The following FEM1A variants were observed in gnomAD, a reference collection of about 807,000 sequenced individuals.
The protein encoded by FEM1A is protein fem-1 homolog A.
In FEM1A, 1 loss-of-function variant was observed where a neutral mutation model predicts 0.7. The observed-to-expected ratio is 1.35, with a 90% confidence interval of 0.48 to 6.40. The LOEUF (loss-of-function observed/expected upper bound fraction) is 6.40. Ranked by LOEUF, FEM1A falls within the 30% of genes most tolerant of loss-of-function variation. The pLI is 0.14. For missense variants in FEM1A, 721 were observed against 918.7 expected, an observed-to-expected ratio of 0.78 and a Z score of 2.78; for synonymous variants, 391 against 420.6, an observed-to-expected ratio of 0.93 and a Z score of 0.86.
chr19:4,791,890 T>C lies in FEM1A; in HGVS notation c.36T>C (p.Arg12=). ...GCACCGCCGTGTACAACGCCGCCCG[T>C]GATGGCAAGCTGCAGCTGCTCCAGA... ...DLRTAVYNAA[R]DGKLQLLQKL... Residue 12 remains arginine, a synonymous_variant, in exon 1 of 1, where the codon CGT becomes CGC. Transcript: ENST00000269856. 1 of 1,521,476 alleles carries C rather than the reference T, an allele frequency of 6.6e-7. No homozygotes were observed. Among genetic ancestry groups the C allele is most frequent in the Non-Finnish European group, 8.8e-7 (1 of 1,141,034 alleles). The allele number at this position is 1,521,476 out of a possible 1,614,324, so 94.2% of individuals were successfully genotyped here. A position where few individuals can be genotyped will look rare whatever the true frequency, so the allele number is the denominator to read the frequency against.
At position 4,792,631 on chromosome 19, in the gene FEM1A, C is replaced by T; in HGVS notation, c.777C>T (p.Ser259=). The T allele has an allele frequency of 1.2e-6, 2 of 1,611,942 alleles. No homozygotes were observed. The highest frequency in any genetic ancestry group is 8.5e-7 in the Non-Finnish European group (1 of 1,179,772). Residue 259 remains serine (S), a synonymous_variant, in exon 1 of 1, where the codon TCC becomes TCT. Transcript: ENST00000269856. The surrounding 1 kb of genome is among the most constrained non-coding windows in gnomAD (Gnocchi z 6.7). The stretch of plus-strand genomic sequence containing the variant: ...CTGGGCTGCCCCAAGAAGACCCCTC[C>T]ACCAGCCAGGGGTGTGCGCAGCCTC... ...AQPGLPQEDP[S]TSQGCAQPQG...
rs753262011 is a variant in FEM1A, at chr19:4,793,294, G to C, written c.1440G>C (p.Gln480His). ...KGVREVERAL[Q>H]LPREPGDSAQ... ...TCCGGGAAGTGGAACGGGCCCTGCA[G>C]CTGCCCAGGGAGCCCGGAGACTCAG... The change falls in exon 1 of 1, where the codon CAG becomes CAC. Residue 480 changes from glutamine to histidine, a missense_variant. Physicochemically the swap from Gln to His is conservative, Grantham distance 24 (BLOSUM62 0). Coordinates refer to ENST00000269856, the MANE Select transcript of FEM1A (RefSeq NM_018708.3). This position sits in a 1 kb window ranked among gnomAD's most constrained non-coding sequence, Gnocchi z 5.1. The C allele has an allele frequency of 6.2e-7, 1 of 1,613,058 alleles. No homozygotes were observed. The highest frequency in any genetic ancestry group is 8.5e-7 in the Non-Finnish European group (1 of 1,179,894).
Position 4,793,945 on chromosome 19 carries a change from C to T in FEM1A, c.*81C>T, listed in dbSNP as rs970939974. ...ATCCGGCTGCGGCATAGCAGATGCT[C>T]GTTCTTGCCTCCTTCAGGCACCAAT... On this transcript the variant is annotated 3_prime_UTR_variant, in exon 1 of 1. Transcript: ENST00000269856. The surrounding 1 kb of genome is among the most constrained non-coding windows in gnomAD (Gnocchi z 5.1). The T allele has an allele frequency of 1.4e-5, 19 of 1,379,464 alleles. No individual in the cohort carries two copies. Among genetic ancestry groups the T allele is most frequent in the Admixed American group, 6.7e-5 (3 of 44,550 alleles). The allele number at this position is 1,379,464 out of a possible 1,614,324, so 85.5% of individuals were successfully genotyped here. A position where few individuals can be genotyped will look rare whatever the true frequency, so the allele number is the denominator to read the frequency against.
rs2093556465 is a variant in FEM1A, at chr19:4,793,022, T to C, written c.1168T>C (p.Ser390Pro). 12 of 1,613,390 alleles carry C rather than the reference T, an allele frequency of 7.4e-6. No individual in the cohort carries two copies. The highest frequency in any genetic ancestry group is 1.0e-5 in the Non-Finnish European group (12 of 1,180,008). The change falls in exon 1 of 1, where the codon TCC (serine) becomes CCC (proline). Residue 390 changes from serine to proline, a missense_variant. Transcript: ENST00000269856. This position sits in a 1 kb window ranked among gnomAD's most constrained non-coding sequence, Gnocchi z 5.1. ...RILGPSHPDT[S>P]YYIRYRGAVY... ...CCTCGGTCCCTCGCACCCGGACACT[T>C]CCTATTACATCCGTTACAGGGGTGC...
At position 4,793,877 on chromosome 19, in the gene FEM1A, G is replaced by T; in HGVS notation, c.*13G>T. 1 of 1,585,704 alleles carries T rather than the reference G, an allele frequency of 6.3e-7. No homozygotes were observed. The highest frequency in any genetic ancestry group is 1.1e-5 in the South Asian group (1 of 87,172). ...CGAACTGCACTGACCTGCCCAGAAC[G>T]CCTGCACCCTCACCTCTCCCCTCTC... On this transcript the variant is annotated 3_prime_UTR_variant, in exon 1 of 1. Transcript: ENST00000269856. This position sits in a 1 kb window ranked among gnomAD's most constrained non-coding sequence, Gnocchi z 5.1.
chr19:4,800,400 C>G lies in FEM1A; in HGVS notation c.*6536C>G, dbSNP rs978713155. ...CCTGGGAGATGGGGAAGTGGGGGCC[C>G]CCCCAAGCTCGCCGACTGCCCTTCC... On this transcript the variant is annotated 3_prime_UTR_variant, in exon 1 of 1. Coordinates refer to ENST00000269856, the MANE Select transcript of FEM1A (RefSeq NM_018708.3). 1.3e-5 allele frequency: 2 copies of G among 152,506 alleles called. No individual in the cohort carries two copies. The highest frequency in any genetic ancestry group is 4.8e-5 in the African/African-American group (2 of 41,458). The allele number at this position is 152,506 out of a possible 1,614,324, so 9.4% of individuals were successfully genotyped here.
In FEM1A at chr19:4,799,424, A is replaced by AAAAC. The variant is rs71897307; in HGVS notation, c.*5584_*5587dup. On this transcript the variant is annotated 3_prime_UTR_variant, in exon 1 of 1. Coordinates refer to ENST00000269856, the MANE Select transcript of FEM1A (RefSeq NM_018708.3). ...GCAAGACTCTGTCTCAAAACAAAACAAAACAAACAAACAAACAAACAAACA... is the reference window on the plus strand; with the variant it reads ...GCAAGACTCTGTCTCAAAACAAAACAAAACAAACAAACAAACAAACAAACAAACA... 1.5e-3 allele frequency: 242 copies of AAAAC among 158,240 alleles called. No individual in the cohort carries two copies. Among genetic ancestry groups the AAAAC allele is most frequent in the African/African-American group, 4.1e-3 (168 of 41,042 alleles). 9.8% of individuals were successfully genotyped at this position (158,240 alleles called of 1,614,324 possible).
chr19:4,793,320 C>G lies in FEM1A; in HGVS notation c.1466C>G (p.Ala489Gly), dbSNP rs952316387. 1 of 1,612,706 alleles carries G rather than the reference C, an allele frequency of 6.2e-7. No individual in the cohort carries two copies. Among genetic ancestry groups the G allele is most frequent in the African/African-American group, 1.3e-5 (1 of 74,894 alleles). Residue 489 changes from alanine (A) to glycine (G), a missense_variant, in exon 1 of 1, where the codon GCC (alanine) becomes GGC (glycine). Physicochemically the swap from Ala to Gly is moderately conservative, Grantham distance 60. Around this residue, in one of 4 missense-constraint regions of FEM1A, gnomAD observed 379 missense variants for 454.8 expected, o/e 0.83. Transcript: ENST00000269856. The surrounding 1 kb of genome is among the most constrained non-coding windows in gnomAD (Gnocchi z 5.1). ...LQLPREPGDS[A>G]QFTKALAIIL... ...CTGCCCAGGGAGCCCGGAGACTCAG[C>G]CCAGTTCACCAAGGCGCTGGCCATC...
rs2093556853 is a variant in FEM1A at position 4,793,229 on chromosome 19, A to G, written c.1375A>G (p.Ile459Val). The change falls in exon 1 of 1, where the codon ATC (isoleucine) becomes GTC (valine). Residue 459 changes from isoleucine (I) to valine (V), a missense_variant. By Grantham distance (29) the Ile-to-Val change is conservative (BLOSUM62 3). Around this residue, in one of 4 missense-constraint regions of FEM1A, gnomAD observed 379 missense variants for 454.8 expected, o/e 0.83. Transcript: ENST00000269856. This position sits in a 1 kb window ranked among gnomAD's most constrained non-coding sequence, Gnocchi z 5.1. ...RAAKGSLGTQ[I>V]GFADLMGVLT... ...CGCCAAAGGCAGCCTGGGCACCCAG[A>G]TCGGCTTTGCAGACCTCATGGGGGT... is the stretch of plus-strand genomic sequence containing the variant. The G allele has an allele frequency of 6.2e-7, 1 of 1,613,382 alleles. No homozygotes were observed. Among genetic ancestry groups the G allele is most frequent in the South Asian group, 1.1e-5 (1 of 91,078 alleles).
chr19:4,792,691 A>G lies in FEM1A; in HGVS notation c.837A>G (p.Glu279=). 2 of 1,612,158 alleles carry G rather than the reference A, an allele frequency of 1.2e-6. No homozygotes were observed. The highest frequency in any genetic ancestry group is 1.7e-6 in the Non-Finnish European group (2 of 1,179,850). ...CGTGCTGCAGCTCCTCCCCAGAGGA[A>G]CCACTGAACGGGGAATCTTACGAAA... ...GAPCCSSSPE[E]PLNGESYESC... Residue 279 remains glutamate (E), a synonymous_variant, in exon 1 of 1, where the codon GAA becomes GAG. Coordinates refer to ENST00000269856, the MANE Select transcript of FEM1A (RefSeq NM_018708.3). The surrounding 1 kb of genome is among the most constrained non-coding windows in gnomAD (Gnocchi z 6.7).
At position 4,792,532 on chromosome 19, in the gene FEM1A, C is replaced by A; in HGVS notation, c.678C>A (p.Gly226=). The A allele has an allele frequency of 6.2e-7, 1 of 1,601,124 alleles. No individual in the cohort carries two copies. Among genetic ancestry groups the A allele is most frequent in the East Asian group, 2.2e-5 (1 of 44,858 alleles). ...MTPLLAASVT[G]HTNIVEYLIQ... is the part of the protein sequence containing the mutation. ...CGCTGCTCGCGGCCAGCGTGACGGG[C>A]CACACCAACATCGTGGAGTACCTCA... The change falls in exon 1 of 1, where the codon GGC becomes GGA. Residue 226 remains glycine, a synonymous_variant. Coordinates refer to ENST00000269856, the MANE Select transcript of FEM1A (RefSeq NM_018708.3). The surrounding 1 kb of genome is among the most constrained non-coding windows in gnomAD (Gnocchi z 6.7).
Position 4,792,374 on chromosome 19 carries a change from G to A in FEM1A, c.520G>A (p.Ala174Thr). 1 of 1,595,082 alleles carries A rather than the reference G, an allele frequency of 6.3e-7. No individual in the cohort carries two copies. The highest frequency in any genetic ancestry group is 8.5e-7 in the Non-Finnish European group (1 of 1,179,140). The change falls in exon 1 of 1, where the codon GCC becomes ACC. Residue 174 changes from alanine to threonine, a missense_variant. Physicochemically the swap from Ala to Thr is moderately conservative, Grantham distance 58. Coordinates refer to ENST00000269856, the MANE Select transcript of FEM1A (RefSeq NM_018708.3). The surrounding 1 kb of genome is among the most constrained non-coding windows in gnomAD (Gnocchi z 6.7). Reference sequence around the variant, plus strand: ...CGCCCGCTACCTGCTGGAGCAGGGCGCCCAGGTGAACCGGCGCAGCGCCAA... The same window carrying A: ...CGCCCGCTACCTGCTGGAGCAGGGCACCCAGGTGAACCGGCGCAGCGCCAA... ...EIARYLLEQG[A>T]QVNRRSAKGN...
Position 4,792,831 on chromosome 19 carries a change from T to C in FEM1A, c.977T>C (p.Met326Thr). The C allele has an allele frequency of 2.4e-5, 39 of 1,612,126 alleles. No homozygotes were observed. The highest frequency in any genetic ancestry group is 3.2e-5 in the Non-Finnish European group (38 of 1,179,996). ...GCCCTTAAACACTGGAGGCGGGCCATGGAGCTGCGTCACCAGGGGGGCGAG... is the reference window on the plus strand; with the variant it reads ...GCCCTTAAACACTGGAGGCGGGCCACGGAGCTGCGTCACCAGGGGGGCGAG... ...LGALKHWRRA[M>T]ELRHQGGEYL... The change falls in exon 1 of 1, where the codon ATG becomes ACG. Residue 326 changes from methionine (M) to threonine (T), a missense_variant. Met to Thr is a moderately conservative substitution (Grantham distance 81). Coordinates refer to ENST00000269856, the MANE Select transcript of FEM1A (RefSeq NM_018708.3). The surrounding 1 kb of genome is among the most constrained non-coding windows in gnomAD (Gnocchi z 6.7).
Position 4,799,362 on chromosome 19 carries a change from C to T in FEM1A, c.*5498C>T, listed in dbSNP as rs11666223. ...CCGGGAGATGGAGGTTGCAGTGAGC[C>T]GAGATTGCACCACTGCACTCCAGCC... On this transcript the variant is annotated 3_prime_UTR_variant, in exon 1 of 1. Coordinates refer to ENST00000269856, the MANE Select transcript of FEM1A (RefSeq NM_018708.3). 0.2 allele frequency: 30,536 copies of T among 152,134 alleles called. 3,275 individuals are homozygous for T. Among genetic ancestry groups the T allele is most frequent in the African/African-American group, 0.26 (10,708 of 41,336 alleles). The allele number at this position is 152,134 out of a possible 1,614,324, so 9.4% of individuals were successfully genotyped here.
chr19:4,792,199 C>T lies in FEM1A; in HGVS notation c.345C>T (p.Thr115=). 1 of 1,502,580 alleles carries T rather than the reference C, an allele frequency of 6.7e-7. No homozygotes were observed. Among genetic ancestry groups the T allele is most frequent in the African/African-American group, 1.4e-5 (1 of 72,372 alleles). The allele number at this position is 1,502,580 out of a possible 1,614,324, so 93.1% of individuals were successfully genotyped here. A position where few individuals can be genotyped will look rare whatever the true frequency, so the allele number is the denominator to read the frequency against. ...CCTCGGTGAACCGCACCACGCGCAC[C>T]AACTCCACGCCTCTCCGCGCCGCCT... is the stretch of plus-strand genomic sequence containing the variant. ...RGASVNRTTR[T]NSTPLRAACF... Residue 115 remains threonine, a synonymous_variant, in exon 1 of 1, where the codon ACC becomes ACT. Coordinates refer to ENST00000269856, the MANE Select transcript of FEM1A (RefSeq NM_018708.3). The surrounding 1 kb of genome is among the most constrained non-coding windows in gnomAD (Gnocchi z 6.7).
rs1014911231 is a variant in FEM1A at position 4,798,041 on chromosome 19, T to A, written c.*4177T>A. 1.4e-5 allele frequency: 2 copies of A among 147,944 alleles called. No individual in the cohort carries two copies. Among genetic ancestry groups the A allele is most frequent in the Non-Finnish European group, 3.0e-5 (2 of 67,028 alleles). 9.2% of individuals were successfully genotyped at this position (147,944 alleles called of 1,614,324 possible). A position where few individuals can be genotyped will look rare whatever the true frequency, so the allele number is the denominator to read the frequency against. On this transcript the variant is annotated 3_prime_UTR_variant, in exon 1 of 1. Coordinates refer to ENST00000269856, the MANE Select transcript of FEM1A (RefSeq NM_018708.3). ...CGAGGTCAGGAGATCGAGACCATCC[T>A]GGCTAACACGGTGAAACCCCGTCTC...
At position 4,796,494 on chromosome 19, in the gene FEM1A, T is replaced by A. The variant is rs111813483; in HGVS notation, c.*2630T>A. On this transcript the variant is annotated 3_prime_UTR_variant, in exon 1 of 1. Coordinates refer to ENST00000269856, the MANE Select transcript of FEM1A (RefSeq NM_018708.3). ...GTGAGCCACCACGCCTGGCCCTTTTTTGTTTTCCTTTATCTGCCATCTCAT... is the reference window on the plus strand; with the variant it reads ...GTGAGCCACCACGCCTGGCCCTTTTATGTTTTCCTTTATCTGCCATCTCAT... The A allele has an allele frequency of 5.8e-3, 889 of 152,376 alleles. 1 individual carries two copies. Among genetic ancestry groups the A allele is most frequent in the Admixed American group, 7.5e-3 (114 of 15,264 alleles). The allele number at this position is 152,376 out of a possible 1,614,324, so 9.4% of individuals were successfully genotyped here.
In FEM1A at chr19:4,796,929, C is replaced by G. The variant is rs531928289; in HGVS notation, c.*3065C>G. 1 of 152,162 alleles carries G rather than the reference C, an allele frequency of 6.6e-6. No individual in the cohort carries two copies. The highest frequency in any genetic ancestry group is 2.4e-5 in the African/African-American group (1 of 41,412). The allele number at this position is 152,162 out of a possible 1,614,324, so 9.4% of individuals were successfully genotyped here. On this transcript the variant is annotated 3_prime_UTR_variant, in exon 1 of 1. Coordinates refer to ENST00000269856, the MANE Select transcript of FEM1A (RefSeq NM_018708.3). ...GTTGTATGCCTGTTTGGTGTTGCAT[C>G]AAAGGAGTGGGTTTGAATCAGCAGG...
Position 4,794,205 on chromosome 19 carries a change from C to T in FEM1A, c.*341C>T, listed in dbSNP as rs368663796. The T allele has an allele frequency of 3.0e-5, 9 of 299,162 alleles. No individual in the cohort carries two copies. Among genetic ancestry groups the T allele is most frequent in the East Asian group, 1.7e-4 (2 of 12,118 alleles). 18.5% of individuals were successfully genotyped at this position (299,162 alleles called of 1,614,324 possible). ...AGAGGCGGAGGGACTGAAGCCATTG[C>T]GTTCCTTCCCTGCTAGAAACACAGG... is the stretch of plus-strand genomic sequence containing the variant. On this transcript the variant is annotated 3_prime_UTR_variant, in exon 1 of 1. Coordinates refer to ENST00000269856, the MANE Select transcript of FEM1A (RefSeq NM_018708.3).
Sources: allele counts gnomAD v4.1 joint callset, GRCh38; gene constraint gnomAD v4.1.1; regional missense constraint gnomAD v4.1.1; non-coding constraint Gnocchi (gnomAD v3.1); transcripts MANE v1.5; gene names NCBI Gene and HGNC (gene_info 2026-07-23, HGNC 2026-07-21).